The following CACNB2 variants were observed in gnomAD, a reference collection of about 807,000 sequenced individuals.
The protein encoded by CACNB2 is voltage-dependent L-type calcium channel subunit beta-2.
A neutral mutation model predicts 73.3 loss-of-function variants in CACNB2; 42 were observed. That is an observed-to-expected ratio of 0.57 (90% CI 0.45 to 0.74). CACNB2 has a LOEUF of 0.74. Ranked by LOEUF, CACNB2 falls within the 30% of genes least tolerant of loss-of-function variation. The probability of loss-of-function intolerance (pLI) is 0.00; values close to 1 mark genes in which losing one functional copy is unlikely to be tolerated. For synonymous variants in CACNB2, 348 were observed against 310.3 expected (o/e 1.12, Z -1.28); for missense variants, 940 against 853.0 (o/e 1.10, Z -1.27).
chr10:18,200,763 G>A (rs1192101844), intron 2 of CACNB2, among the ~76,000 whole-genome samples: 2 of 152,028 alleles, frequency 1.3e-5, no homozygotes, highest in Non-Finnish European at 2.9e-5. Context: ...TTTTATAGTT[G>A]CCAAGTAGCA....
At chr10:18,173,046 G>T (rs747426042) in intron 2 of CACNB2, among the ~76,000 whole-genome samples, 1 of 150,118 alleles carries the variant, frequency 6.7e-6, no homozygotes, top group Non-Finnish European at 1.5e-5. Context: ...TCAGCCTACC[G>T]AGTAGCTGGG....
At chr10:18,499,293 C>T (rs942621116) in intron 4 of CACNB2, among the ~76,000 whole-genome samples, 6 of 152,082 alleles carry the variant, frequency 3.9e-5, no homozygotes, top group African/African-American at 1.4e-4. Flanking sequence ...GCACTAAAGG[C>T]TGTCAGCAAA....
At chr10:18,498,511 A>G (rs763282257) in intron 4 of CACNB2, 34 bp downstream of exon 4, 1 of 1,609,286 alleles carries the variant, frequency 6.2e-7, no homozygotes, top group Non-Finnish European at 8.5e-7. Flanking sequence ...TAACAGCATG[A>G]TGTTTCACCT....
intron 2 of CACNB2, among the ~76,000 whole-genome samples, chr10:18,290,632 A>G (rs1363604231): frequency 6.6e-6 from 1 of 152,230 alleles, no homozygotes. Context: ...TTCCACCTCT[A>G]TTTGTTTCTG....
chr10:18,468,737 T>C (rs2048029172), intron 3 of CACNB2, among the ~76,000 whole-genome samples: 1 of 151,930 alleles, frequency 6.6e-6, no homozygotes, highest in Admixed American at 6.6e-5. Context: ...GTAGCTGGGA[T>C]TATAGGCACG....
chr10:18,222,934 C>T (rs1021386514), intron 2 of CACNB2, among the ~76,000 whole-genome samples: 1 of 152,098 alleles, frequency 6.6e-6, no homozygotes, highest in African/African-American at 2.4e-5. Context: ...GAGACTCCAT[C>T]TCAAAAAGAA....
chr10:18,343,374 T>C (rs1672899339), intron 2 of CACNB2, among the ~76,000 whole-genome samples: 1 of 152,142 alleles, frequency 6.6e-6, no homozygotes, highest in African/African-American at 2.4e-5. Flanking sequence ...AGAGAAAGTA[T>C]TTGGATCCAG....
At chr10:18,242,079 ATG>A in intron 2 of CACNB2, among the ~76,000 whole-genome samples, 1 of 147,440 alleles carries the variant, frequency 6.8e-6, no homozygotes, top group East Asian at 2.0e-4. Flanking sequence ...GCATGTATAT[ATG>A]TATATATGTG....
At chr10:18,309,039 C>T (rs1422182707) in intron 2 of CACNB2, among the ~76,000 whole-genome samples, 1 of 152,138 alleles carries the variant, frequency 6.6e-6, no homozygotes, top group East Asian at 1.9e-4. Context: ...GGAAGTGATG[C>T]TGTCCTTCTC....
At chr10:18,251,290 G>A (rs759083624) in intron 2 of CACNB2, among the ~76,000 whole-genome samples, 13 of 151,694 alleles carry the variant, frequency 8.6e-5, no homozygotes, top group Non-Finnish European at 1.5e-4. Context: ...TGTCGCCCAG[G>A]CTGGAATGTG....
At chr10:18,425,415 C>G (rs992731437) in intron 3 of CACNB2, among the ~76,000 whole-genome samples, 1 of 152,070 alleles carries the variant, frequency 6.6e-6, no homozygotes, top group East Asian at 1.9e-4. Context: ...TCCTGTAACC[C>G]CATTACTTTG....
chr10:18,504,432 C>T lies in CACNB2; in HGVS notation c.594-2039C>T, dbSNP rs866535186. On this transcript the variant is annotated intron_variant, in intron 5 of 13. Coordinates refer to ENST00000324631, the MANE Select transcript of CACNB2 (RefSeq NM_201596.3). ...ACTTTATTAGATATGTTGTTTTGCT[C>T]TTGCATTTTTTTCCCTTAGGACTCT... is the stretch of plus-strand genomic sequence containing the variant. 4.5e-5 allele frequency among the ~76,000 whole-genome samples: 3 copies of T among 66,806 alleles called. No homozygotes were observed. In the South Asian group the frequency reaches 1.7e-3, roughly 38 times the overall value. 43.8% of individuals were successfully genotyped at this position (66,806 alleles called of 152,430 possible). A position where few individuals can be genotyped will look rare whatever the true frequency, so the allele number is the denominator to read the frequency against.
intron 2 of CACNB2, among the ~76,000 whole-genome samples, chr10:18,230,367 C>A: frequency 6.6e-6 from 1 of 152,242 alleles, no homozygotes; most frequent in Non-Finnish European, 1.5e-5. Context: ...CTCAAGTTGC[C>A]TGTTCCCTCG....
intron 2 of CACNB2, among the ~76,000 whole-genome samples, chr10:18,222,407 TACACACAC>T (rs59165053): frequency 6.7e-6 from 1 of 149,792 alleles, no homozygotes; most frequent in Non-Finnish European, 1.5e-5. Context: ...CACACACACA[TACACACAC>T]ACACACACAC....
intron 3 of CACNB2, among the ~76,000 whole-genome samples, chr10:18,426,229 A>T (rs1032019703): frequency 1.3e-5 from 2 of 152,174 alleles, no homozygotes; most frequent in African/African-American, 4.8e-5. Context: ...TATAATATTG[A>T]GTCATCTTAC....
chr10:18,251,917 T>C (rs1051518585), intron 2 of CACNB2, among the ~76,000 whole-genome samples: 1 of 152,114 alleles, frequency 6.6e-6, no homozygotes, highest in African/African-American at 2.4e-5. Flanking sequence ...CACTGGGTGT[T>C]ACAATTCAAC....
At chr10:18,491,078 A>G (rs1029811133) in intron 3 of CACNB2, among the ~76,000 whole-genome samples, 1 of 152,200 alleles carries the variant, frequency 6.6e-6, no homozygotes, top group Non-Finnish European at 1.5e-5. Context: ...TGGAACACCA[A>G]GATTTTTTGG....
At chr10:18,210,708 A>G (rs1429361718) in intron 2 of CACNB2, among the ~76,000 whole-genome samples, 5 of 152,158 alleles carry the variant, frequency 3.3e-5, no homozygotes, top group South Asian at 2.1e-4. Context: ...TGTGTCTTTA[A>G]TTATTACAGA....
At chr10:18,261,471 G>C (rs2037538893) in intron 2 of CACNB2, among the ~76,000 whole-genome samples, 1 of 152,144 alleles carries the variant, frequency 6.6e-6, no homozygotes, top group Non-Finnish European at 1.5e-5. Flanking sequence ...AGGAATCTGA[G>C]GTATAGGAGA....
Sources: allele counts gnomAD v4.1 joint callset (sites outside exome capture counted in the v4.1 genomes callset), GRCh38; gene constraint gnomAD v4.1.1; transcripts MANE v1.5; gene names NCBI Gene and HGNC (gene_info 2026-07-23, HGNC 2026-07-21).